The following INPP4B variants were observed in gnomAD, a reference collection of about 807,000 sequenced individuals.
The protein encoded by INPP4B is inositol polyphosphate 4-phosphatase type II.
Under a neutral mutation model 122.5 loss-of-function variants are expected in INPP4B, and 55 were observed. The observed-to-expected ratio is 0.45, with a 90% CI of 0.36 to 0.56. The LOEUF (loss-of-function observed/expected upper bound fraction) is 0.56, where lower values mean the gene tolerates loss of function less well. Ranked by LOEUF, INPP4B falls within the 20% of genes least tolerant of loss-of-function variation. INPP4B has a pLI of 0.00. For missense variants in INPP4B, 1,000 were observed against 1,097.7 expected (o/e 0.91, Z 1.26); for synonymous variants, 403 against 388.7 (o/e 1.04, Z -0.43).
At chr4:142,623,705 C>T (rs1321891159) in intron 2 of INPP4B, among the ~76,000 whole-genome samples, 1 of 151,374 alleles carries the variant, frequency 6.6e-6, no homozygotes, top group Non-Finnish European at 1.5e-5. Flanking sequence ...TCTCCTAATG[C>T]TATCCCTCCC....
chr4:142,804,556 C>T (rs1778436523), intron 1 of INPP4B, among the ~76,000 whole-genome samples: 1 of 152,194 alleles, frequency 6.6e-6, no homozygotes, highest in Non-Finnish European at 1.5e-5. Flanking sequence ...CTCACTTTGA[C>T]ACTTTTGATT....
At chr4:142,368,982 C>T (rs1316830317) in intron 7 of INPP4B, among the ~76,000 whole-genome samples, 1 of 151,736 alleles carries the variant, frequency 6.6e-6, no homozygotes, top group Admixed American at 6.6e-5. Context: ...CATTTCTCTA[C>T]ACATGATGGT....
chr4:142,107,292 CA>C (rs1787648674), intron 23 of INPP4B, among the ~76,000 whole-genome samples: 2 of 152,226 alleles, frequency 1.3e-5, no homozygotes, highest in Middle Eastern at 3.4e-3. Context: ...AATCAGTGAG[CA>C]AATTGTTCAT....
At chr4:142,364,101 C>A (rs1358645836) in intron 7 of INPP4B, among the ~76,000 whole-genome samples, 1 of 151,988 alleles carries the variant, frequency 6.6e-6, no homozygotes, top group Admixed American at 6.6e-5. Context: ...TCTGGTATTT[C>A]TGTGCTTGGG....
intron 5 of INPP4B, among the ~76,000 whole-genome samples, chr4:142,409,534 A>T (rs570582783): frequency 7.2e-6 from 1 of 139,506 alleles, no homozygotes; most frequent in South Asian, 2.2e-4. Context: ...AAGAGACTCA[A>T]TATCTCCGGT....
intron 7 of INPP4B, among the ~76,000 whole-genome samples, chr4:142,326,199 C>T (rs899116848): frequency 1.3e-5 from 2 of 152,174 alleles, no homozygotes; most frequent in Non-Finnish European, 1.5e-5. Flanking sequence ...CTATGTGTTA[C>T]GAGCCAAGTC....
intron 2 of INPP4B, among the ~76,000 whole-genome samples, chr4:142,580,665 T>G (rs1734871299): frequency 6.6e-6 from 1 of 152,014 alleles, no homozygotes; most frequent in African/African-American, 2.4e-5. Flanking sequence ...GAAAATCAGA[T>G]TTTCTCATTA....
chr4:142,026,814 T>TTAAG lies in INPP4B; in HGVS notation c.*1964_*1967dup, dbSNP rs1181600223. The TTAAG allele has an allele frequency of 2.6e-5, 4 of 152,210 alleles. No homozygotes were observed. Among genetic ancestry groups the TTAAG allele is most frequent in the Admixed American group, 1.3e-4 (2 of 15,268 alleles). 9.4% of individuals were successfully genotyped at this position (152,210 alleles called of 1,614,324 possible). On this transcript the variant is annotated 3_prime_UTR_variant, in exon 26 of 26. Transcript: ENST00000262992. Reference sequence around the variant, plus strand: ...CTTTCCAGTTAATATTTTTCCATATTTAAGTAGTTTGTTTTCAAAAATACA... The same window carrying TTAAG: ...CTTTCCAGTTAATATTTTTCCATATTTAAGTAAGTAGTTTGTTTTCAAAAATACA...
chr4:142,159,249 A>C (rs1197188197), intron 17 of INPP4B, among the ~76,000 whole-genome samples: 1 of 78,442 alleles, frequency 1.3e-5, no homozygotes, highest in African/African-American at 4.9e-5. Context: ...AGGTGTGTAC[A>C]CTTGGAACTG....
chr4:142,803,071 C>T (rs973554264), intron 1 of INPP4B, among the ~76,000 whole-genome samples: 4 of 150,758 alleles, frequency 2.7e-5, no homozygotes, highest in African/African-American at 9.8e-5. Flanking sequence ...AGGGCGGGAG[C>T]TGAGGCAGGA....
In INPP4B at chr4:142,336,640, G is replaced by A. The variant is rs74580049; in HGVS notation, c.373-21878C>T. 9.1e-3 allele frequency among the ~76,000 whole-genome samples: 1,380 copies of A among 152,332 alleles called. 31 individuals carry two copies. Among genetic ancestry groups the A allele is most frequent in the African/African-American group, 0.031 (1,285 of 41,574 alleles). On this transcript the variant is annotated intron_variant, in intron 7 of 25. Transcript: ENST00000262992. The stretch of plus-strand genomic sequence containing the variant: ...TGGAATCTCTTGAGTTTTGGGCATG[G>A]CTGTGATTCCCCTCCTCGTCCAGAT...
At chr4:142,461,488 G>A (rs533707599) in intron 3 of INPP4B, among the ~76,000 whole-genome samples, 1 of 152,222 alleles carries the variant, frequency 6.6e-6, no homozygotes, top group Admixed American at 6.5e-5. Context: ...ATTTCCACAT[G>A]TGAAGTATAA....
chr4:142,230,022 T>A (rs575260505), intron 12 of INPP4B, among the ~76,000 whole-genome samples: 18 of 152,318 alleles, frequency 1.2e-4, no homozygotes, highest in African/African-American at 4.3e-4. Flanking sequence ...AACTGGCAAG[T>A]CTAAATAGCC....
chr4:142,703,879 C>A (rs2150768683), intron 2 of INPP4B, among the ~76,000 whole-genome samples: 1 of 152,292 alleles, frequency 6.6e-6, no homozygotes, highest in South Asian at 2.1e-4. Flanking sequence ...TCTGGAGCTC[C>A]ACCATTTGGT....
chr4:142,496,786 T>C (rs1471662082), intron 2 of INPP4B: 1 of 152,200 alleles, frequency 6.6e-6, no homozygotes. Flanking sequence ...TTCACATCTC[T>C]GCTTCAGTTC....
At chr4:142,517,443 A>C (rs1825550891) in intron 2 of INPP4B, among the ~76,000 whole-genome samples, 1 of 152,138 alleles carries the variant, frequency 6.6e-6, no homozygotes, top group South Asian at 2.1e-4. Context: ...CGCAGCTGAC[A>C]ATACTAGACA....
chr4:142,639,217 C>G (rs1169364744), intron 2 of INPP4B, among the ~76,000 whole-genome samples: 1 of 152,072 alleles, frequency 6.6e-6, no homozygotes, highest in African/African-American at 2.4e-5. Flanking sequence ...AGGTATTGGT[C>G]TGTAAGTTGC....
intron 2 of INPP4B, among the ~76,000 whole-genome samples, chr4:142,544,963 C>A (rs1226579993): frequency 6.6e-6 from 1 of 152,018 alleles, no homozygotes; most frequent in African/African-American, 2.4e-5. Flanking sequence ...CACTGAGAAA[C>A]AAAACCATGT....
intron 3 of INPP4B, among the ~76,000 whole-genome samples, chr4:142,442,937 G>A (rs1812136357): frequency 6.6e-6 from 1 of 152,190 alleles, no homozygotes; most frequent in South Asian, 2.1e-4. Flanking sequence ...AGGCAAGGGA[G>A]AGCTTGTGCA....
Sources: allele counts gnomAD v4.1 joint callset (sites outside exome capture counted in the v4.1 genomes callset), GRCh38; gene constraint gnomAD v4.1.1; transcripts MANE v1.5; gene names NCBI Gene and HGNC (gene_info 2026-07-23, HGNC 2026-07-21).